ALDH1L2: variants seen among roughly 807,000 people sequenced by gnomAD.
ALDH1L2 encodes the protein aldehyde dehydrogenase 1 family member L2.
ALDH1L2 carries 91 observed loss-of-function variants against 111.0 expected under a neutral mutation model. The ratio of observed to expected loss-of-function variants is 0.82; its 90% CI spans 0.69 to 0.98. The LOEUF is 0.98. ALDH1L2 is among the 50% of genes least tolerant of loss of function. The probability of loss-of-function intolerance (pLI) is 0.00; values close to 1 mark genes in which losing one functional copy is unlikely to be tolerated. For synonymous variants in ALDH1L2, 374 were observed against 392.6 expected, an observed-to-expected ratio of 0.95 and a Z score of 0.56; for missense variants, 995 against 1,126.8, an observed-to-expected ratio of 0.88 and a Z score of 1.67.
chr12:105,082,241 C>T lies in ALDH1L2; in HGVS notation c.48+2148G>A, dbSNP rs183986885. 4.0e-3 allele frequency among the ~76,000 whole-genome samples: 612 copies of T among 152,292 alleles called. 8 individuals carry two copies. Among genetic ancestry groups the T allele is most frequent in the African/African-American group, 0.014 (572 of 41,562 alleles). The stretch of plus-strand genomic sequence containing the variant: ...AATTTGCATGGGTAAAATGCACCCT[C>T]TTCAGTGTACTGTGCTGTGAGTTTT... On this transcript the variant is annotated intron_variant, in intron 1 of 22. Coordinates refer to ENST00000258494, the MANE Select transcript of ALDH1L2 (RefSeq NM_001034173.4).
chr12:105,048,491 T>G (rs1876054818), intron 13 of ALDH1L2: 1 of 152,154 alleles, frequency 6.6e-6, no homozygotes, highest in African/African-American at 2.4e-5. Flanking sequence ...ACTCCCCCTT[T>G]CTCACTTCCT....
At chr12:105,083,290 A>G (rs1034329050) in intron 1 of ALDH1L2, among the ~76,000 whole-genome samples, 1 of 152,214 alleles carries the variant, frequency 6.6e-6, no homozygotes, top group African/African-American at 2.4e-5. Context: ...GGGGTCCAGG[A>G]GAGCAGGCCA....
At chr12:105,066,765 A>G (rs1334462106) in intron 4 of ALDH1L2, 96 bp from the exon 5 acceptor site, 4 of 968,972 alleles carry the variant, frequency 4.1e-6, no homozygotes, top group Non-Finnish European at 6.5e-6. Context: ...TACTACCTAT[A>G]AACCTGTTCA....
rs114114813 is a variant in ALDH1L2, at chr12:105,067,248, A to G, written c.595-579T>C. On this transcript the variant is annotated intron_variant, in intron 4 of 22. Coordinates refer to ENST00000258494, the MANE Select transcript of ALDH1L2 (RefSeq NM_001034173.4). ...AAAAAAAAAAAAAGAAAAGAAAAAGAAAAAGAGCTAAGCAATTGGCTGAAG... is the reference window on the plus strand; with the variant it reads ...AAAAAAAAAAAAAGAAAAGAAAAAGGAAAAGAGCTAAGCAATTGGCTGAAG... 3.1e-3 allele frequency among the ~76,000 whole-genome samples: 468 copies of G among 151,908 alleles called. 4 individuals are homozygous for G. The highest frequency in any genetic ancestry group is 0.011 in the African/African-American group (444 of 41,458).
intron 15 of ALDH1L2, among the ~76,000 whole-genome samples, chr12:105,045,456 C>T (rs1875783486): frequency 6.7e-6 from 1 of 149,976 alleles, no homozygotes; most frequent in South Asian, 2.1e-4. Context: ...TATATATCTA[C>T]ATATAATAAT....
Position 105,073,862 on chromosome 12 carries a change from C to G in ALDH1L2, c.192G>C (p.Leu64=). 1 of 1,614,048 alleles carries G rather than the reference C, an allele frequency of 6.2e-7. No homozygotes were observed. The highest frequency in any genetic ancestry group is 8.5e-7 in the Non-Finnish European group (1 of 1,180,024). The change falls in exon 2 of 23, where the codon CTG becomes CTC. Residue 64 remains leucine (L), a splice_region_variant and synonymous_variant. Coordinates refer to ENST00000258494, the MANE Select transcript of ALDH1L2 (RefSeq NM_001034173.4). ...VPDKDGKADP[L]ALAAEKDGTP... is the part of the protein sequence containing the mutation. ...CCAGTCATCCCAAGATGCACTCACC[C>G]AGAGGGTCAGCTTTTCCATCCTTGT...
intron 3 of ALDH1L2, among the ~76,000 whole-genome samples, chr12:105,069,360 G>A (rs1197582513): frequency 6.6e-6 from 1 of 152,202 alleles, no homozygotes; most frequent in Non-Finnish European, 1.5e-5. Context: ...AGCTAATACA[G>A]AGGGAGTATG....
chr12:105,073,843 A>G lies in ALDH1L2; in HGVS notation c.193+18T>C. 1 of 1,613,742 alleles carries G rather than the reference A, an allele frequency of 6.2e-7. No individual in the cohort carries two copies. Among genetic ancestry groups the G allele is most frequent in the Non-Finnish European group, 8.5e-7 (1 of 1,179,924 alleles). ...GGACCTGAGAATTCTTGACCCAGTC[A>G]TCCCAAGATGCACTCACCCAGAGGG... On this transcript the variant is annotated intron_variant, in intron 2 of 22. Coordinates refer to ENST00000258494, the MANE Select transcript of ALDH1L2 (RefSeq NM_001034173.4).
At chr12:105,041,556 T>C (rs929550165) in intron 15 of ALDH1L2, among the ~76,000 whole-genome samples, 3 of 152,226 alleles carry the variant, frequency 2.0e-5, no homozygotes, top group African/African-American at 7.2e-5. Context: ...TGTGGGGAGA[T>C]ACTCCTCAAA....
chr12:105,061,838 T>C, intron 7 of ALDH1L2, 86 bp from the exon 8 acceptor site: 1 of 1,515,912 alleles, frequency 6.6e-7, no homozygotes, highest in Non-Finnish European at 9.0e-7. Flanking sequence ...CTATAGATTA[T>C]ATGCATATAA....
At chr12:105,060,043 G>C (rs1411048611) in intron 9 of ALDH1L2, among the ~76,000 whole-genome samples, 1 of 152,066 alleles carries the variant, frequency 6.6e-6, no homozygotes, top group Non-Finnish European at 1.5e-5. Context: ...AGGCTTTCTG[G>C]GACTCCAGCC....
intron 15 of ALDH1L2, among the ~76,000 whole-genome samples, chr12:105,042,424 G>A (rs1312695426): frequency 6.9e-6 from 1 of 144,706 alleles, no homozygotes; most frequent in Admixed American, 7.0e-5. Flanking sequence ...TTGTTGTTTT[G>A]CGTTGCCTTT....
chr12:105,056,456 C>T (rs1876635882), intron 10 of ALDH1L2, among the ~76,000 whole-genome samples: 1 of 151,928 alleles, frequency 6.6e-6, no homozygotes, highest in South Asian at 2.1e-4. Flanking sequence ...AACTTGAAAA[C>T]ACATGAAGAA....
At chr12:105,070,290 C>A (rs1002338790) in intron 3 of ALDH1L2, among the ~76,000 whole-genome samples, 3 of 152,166 alleles carry the variant, frequency 2.0e-5, no homozygotes, top group African/African-American at 7.2e-5. Flanking sequence ...GGAGTTCATG[C>A]AACAGTAGTA....
Position 105,058,112 on chromosome 12 carries a change from C to G in ALDH1L2, c.1248G>C (p.Leu416=). The G allele has an allele frequency of 6.2e-7, 1 of 1,613,444 alleles. No homozygotes were observed. The highest frequency in any genetic ancestry group is 8.5e-7 in the Non-Finnish European group (1 of 1,179,792). The change falls in exon 10 of 23, where the codon CTG becomes CTC. Residue 416 remains leucine, a synonymous_variant. Coordinates refer to ENST00000258494, the MANE Select transcript of ALDH1L2 (RefSeq NM_001034173.4). ...GCTCCACCTCTTGATCTTCTCCTCT[C>G]AGTTTCCTCACGACCTTTTGGATAA... is the stretch of plus-strand genomic sequence containing the variant. The part of the protein sequence containing the change: ...EGFIQKVVRK[L]RGEDQEVELV...
intron 13 of ALDH1L2, 100 bp from the exon 14 acceptor site, chr12:105,047,069 G>T: frequency 7.5e-7 from 1 of 1,336,100 alleles, no homozygotes; most frequent in South Asian, 1.2e-5. Context: ...CTTTTTGTTA[G>T]CTGATATGAA....
intron 1 of ALDH1L2, among the ~76,000 whole-genome samples, chr12:105,074,842 C>A (rs1877955664): frequency 1.3e-5 from 2 of 152,064 alleles, no homozygotes; most frequent in Non-Finnish European, 2.9e-5. Context: ...GATAATAAAA[C>A]AAAGTTTTAA....
At chr12:105,042,353 T>C (rs916360257) in intron 15 of ALDH1L2, among the ~76,000 whole-genome samples, 2 of 152,210 alleles carry the variant, frequency 1.3e-5, no homozygotes, top group African/African-American at 2.4e-5. Context: ...TGTTAAGCCA[T>C]GTCCCTATGA....
intron 5 of ALDH1L2, among the ~76,000 whole-genome samples, chr12:105,065,855 T>C (rs1877323022): frequency 6.6e-6 from 1 of 152,212 alleles, no homozygotes; most frequent in Admixed American, 6.5e-5. Context: ...TATTACCTGA[T>C]GCCTGTGTTG....
Sources: gnomAD v4.1 joint callset for allele counts (sites outside exome capture counted in the v4.1 genomes callset) on GRCh38, gnomAD v4.1.1 for gene constraint, MANE v1.5 for transcripts, NCBI Gene and HGNC (gene_info 2026-07-23, HGNC 2026-07-21) for gene names.